Variants in CNR1 observed in about 807,000 individuals in gnomAD.
The protein encoded by CNR1 is cannabinoid receptor 1 (brain).
Under a neutral mutation model 23.0 loss-of-function variants are expected in CNR1, and 10 were observed. The ratio of observed to expected loss-of-function variants is 0.43; its 90% CI spans 0.27 to 0.74. CNR1 has a LOEUF of 0.74. Ranked by LOEUF, CNR1 falls within the 30% of genes least tolerant of loss-of-function variation. The pLI, the probability that CNR1 is intolerant of heterozygous loss-of-function variation, is 0.19. For missense variants in CNR1, 422 were observed against 618.8 expected, an observed-to-expected ratio of 0.68 and a Z score of 3.37; for synonymous variants, 271 against 255.2, an observed-to-expected ratio of 1.06 and a Z score of -0.59.
At chr6:88,166,446 C>G (rs1407709107), upstream of CNR1, 1 of 152,440 alleles carries the variant, frequency 6.6e-6, no homozygotes, top group Admixed American at 6.5e-5. Context: ...CAGACCCCGC[C>G]GAGGGAACTG....
chr6:88,146,168 C>G (rs528353094), intron 1 of CNR1, among the ~76,000 whole-genome samples: 1 of 151,980 alleles, frequency 6.6e-6, no homozygotes, highest in Non-Finnish European at 1.5e-5. Flanking sequence ...TGCAGTGGCA[C>G]GATCTGGGCT....
chr6:88,153,897 C>G (rs117405255), intron 1 of CNR1, among the ~76,000 whole-genome samples: 3,634 of 152,300 alleles, frequency 0.024, 94 homozygotes, highest in Admixed American at 0.087. Flanking sequence ...TTTTCTAACT[C>G]TTACCTAATC....
rs1776735054 is a variant in CNR1, at chr6:88,140,246, T to C, written c.*3610A>G. Reference sequence around the variant, plus strand: ...AGAGTCATGTTTCCCGCTTGAAACATTGGAAATAAATTTGAATCCAGATAC... The same window carrying C: ...AGAGTCATGTTTCCCGCTTGAAACACTGGAAATAAATTTGAATCCAGATAC... On this transcript the variant is annotated 3_prime_UTR_variant, in exon 2 of 2. Transcript: ENST00000369501. 6.5e-6 allele frequency: 1 copy of C among 152,794 alleles called. No individual in the cohort carries two copies. The highest frequency in any genetic ancestry group is 2.4e-5 in the African/African-American group (1 of 41,448). 9.5% of individuals were successfully genotyped at this position (152,794 alleles called of 1,614,324 possible). A position where few individuals can be genotyped will look rare whatever the true frequency, so the allele number is the denominator to read the frequency against.
At chr6:88,157,736 A>T (rs1359461293) in intron 1 of CNR1, among the ~76,000 whole-genome samples, 3 of 152,216 alleles carry the variant, frequency 2.0e-5, no homozygotes, top group Non-Finnish European at 4.4e-5. Context: ...TCTATTTTGT[A>T]AAACATTCAG....
At position 88,140,797 on chromosome 6, in the gene CNR1, C is replaced by T. The variant is rs1293224642; in HGVS notation, c.*3059G>A. On this transcript the variant is annotated 3_prime_UTR_variant, in exon 2 of 2. Coordinates refer to ENST00000369501, the MANE Select transcript of CNR1 (RefSeq NM_016083.6). ...GGCATTTAATACCAGATAGACTTAA[C>T]TCAAAGTGCCAGAGAGGCTTGGAAA... is the stretch of plus-strand genomic sequence containing the variant. 2.6e-5 allele frequency: 4 copies of T among 152,284 alleles called. No individual in the cohort carries two copies. The highest frequency in any genetic ancestry group is 9.7e-5 in the African/African-American group (4 of 41,436). The allele number at this position is 152,284 out of a possible 1,614,324, so 9.4% of individuals were successfully genotyped here.
Position 88,147,435 on chromosome 6 carries a change from C to A in CNR1, c.-63-2098G>T, listed in dbSNP as rs377226327. On this transcript the variant is annotated intron_variant, in intron 1 of 1. Transcript: ENST00000369501. ...ACGTACAGGATGCTCTGGGGACACC[C>A]AGTCTAGAGGGCTGAAGGAGGTTTC... Among the ~76,000 whole-genome samples, 18 of 152,294 alleles carry A rather than the reference C, an allele frequency of 1.2e-4. No individual in the cohort carries two copies. The East Asian group carries it at 3.5e-3, about 29-fold the overall frequency.
intron 1 of CNR1, among the ~76,000 whole-genome samples, chr6:88,147,042 C>T (rs1286325417): frequency 6.6e-6 from 1 of 152,144 alleles, no homozygotes; most frequent in Admixed American, 6.5e-5. Context: ...CCTGTAATCC[C>T]AGCACTTTGG....
In CNR1 at chr6:88,143,932, C is replaced by T. The variant is rs946462817; in HGVS notation, c.1343G>A (p.Ser448Asn). The change falls in exon 2 of 2, where the codon AGC (serine) becomes AAC (asparagine). Residue 448 changes from serine to asparagine, a missense_variant. Coordinates refer to ENST00000369501, the MANE Select transcript of CNR1 (RefSeq NM_016083.6). ...AATCTTGACCGTGCTCTTGATGCAG[C>T]TTTCTGCGGCCCTGTGAACACTGGC... is the stretch of plus-strand genomic sequence containing the variant. ...NAASVHRAAE[S>N]CIKSTVKIAK... The T allele has an allele frequency of 2.5e-6, 4 of 1,614,118 alleles. No individual in the cohort carries two copies. The highest frequency in any genetic ancestry group is 1.7e-6 in the Non-Finnish European group (2 of 1,180,036).
chr6:88,148,125 C>T lies in CNR1; in HGVS notation c.-63-2788G>A, dbSNP rs9444582. Among the ~76,000 whole-genome samples, 478 of 152,306 alleles carry T rather than the reference C, an allele frequency of 3.1e-3. 5 individuals are homozygous for T. Among genetic ancestry groups the T allele is most frequent in the African/African-American group, 0.011 (461 of 41,576 alleles). On this transcript the variant is annotated intron_variant, in intron 1 of 1. Transcript: ENST00000369501. ...ATGAATTTTAGTTCCATAAACACAGCAAATTGACTGCTCCTCACCTCAGTG... is the reference window on the plus strand; with the variant it reads ...ATGAATTTTAGTTCCATAAACACAGTAAATTGACTGCTCCTCACCTCAGTG...
rs1157865569 is a variant in CNR1 at position 88,142,788 on chromosome 6, CACACAGTATAATTTT to C, written c.*1053_*1067del. Reference sequence around the variant, plus strand: ...ATACACACATTTATATTCACACTCACACACAGTATAATTTTACTGATCCAGACACTACTTCTTTTC... The same window carrying C: ...ATACACACATTTATATTCACACTCACACTGATCCAGACACTACTTCTTTTC... On this transcript the variant is annotated 3_prime_UTR_variant, in exon 2 of 2. Coordinates refer to ENST00000369501, the MANE Select transcript of CNR1 (RefSeq NM_016083.6). 6.6e-6 allele frequency: 1 copy of C among 152,536 alleles called. No homozygotes were observed. The highest frequency in any genetic ancestry group is 1.5e-5 in the Non-Finnish European group (1 of 68,028). 9.4% of individuals were successfully genotyped at this position (152,536 alleles called of 1,614,324 possible).
chr6:88,144,193 G>A lies in CNR1; in HGVS notation c.1082C>T (p.Ala361Val), dbSNP rs1338271451. Residue 361 changes from alanine to valine, a missense_variant, in exon 2 of 2, where the codon GCA becomes GTA. This residue lies in a region of CNR1 where 211 missense variants were observed against 357.3 expected (regional missense o/e 0.59). Transcript: ENST00000369501. The surrounding 1 kb of genome is among the most constrained non-coding windows in gnomAD (Gnocchi z 7.8). ...CCCAAAGACATCATACACCATGATT[G>A]CAAGCAGAGGGCCCCAGCAGATGAT... ...VLIICWGPLL[A>V]IMVYDVFGKM... 1.2e-6 allele frequency: 2 copies of A among 1,613,136 alleles called. No homozygotes were observed. The highest frequency in any genetic ancestry group is 2.2e-5 in the South Asian group (2 of 91,060).
At chr6:88,156,905 C>G (rs537876814) in intron 1 of CNR1, among the ~76,000 whole-genome samples, 1 of 152,264 alleles carries the variant, frequency 6.6e-6, no homozygotes, top group South Asian at 2.1e-4. Context: ...AAAAAGTGTC[C>G]AAATGGGAAA....
chr6:88,152,655 G>T (rs1017939760), intron 1 of CNR1, among the ~76,000 whole-genome samples: 1 of 152,204 alleles, frequency 6.6e-6, no homozygotes, highest in Admixed American at 6.5e-5. Flanking sequence ...GTAGTTCAAA[G>T]ATCTCAGTAA....
In CNR1 at chr6:88,146,972, C is replaced by T. The variant is rs141301006; in HGVS notation, c.-63-1635G>A. On this transcript the variant is annotated intron_variant, in intron 1 of 1. Coordinates refer to ENST00000369501, the MANE Select transcript of CNR1 (RefSeq NM_016083.6). ...TATTATGTCTAGCTACGGTACTAGA[C>T]ACTAGTGTTGACAGCATCAAGAAAG... Among the ~76,000 whole-genome samples, 840 of 152,178 alleles carry T rather than the reference C, an allele frequency of 5.5e-3. 5 individuals carry two copies. Among genetic ancestry groups the T allele is most frequent in the Non-Finnish European group, 8.3e-3 (562 of 68,022 alleles).
At chr6:88,159,464 C>A (rs770101203) in intron 1 of CNR1, among the ~76,000 whole-genome samples, 35 of 152,296 alleles carry the variant, frequency 2.3e-4, no homozygotes, top group Admixed American at 2.0e-4. Flanking sequence ...TCCCAAGGCA[C>A]TTAAATATAT....
At chr6:88,152,395 G>A (rs147454168) in intron 1 of CNR1, among the ~76,000 whole-genome samples, 2 of 152,250 alleles carry the variant, frequency 1.3e-5, no homozygotes, top group African/African-American at 4.8e-5. Context: ...CTTCTTCAGT[G>A]AAGACAAAGG....
intron 1 of CNR1, among the ~76,000 whole-genome samples, chr6:88,159,304 G>A (rs1021727946): frequency 5.3e-5 from 8 of 152,204 alleles, no homozygotes; most frequent in East Asian, 1.9e-4. Context: ...AGGAAAGAAC[G>A]AACTAAAATG....
rs1778345888 is a variant in CNR1, at chr6:88,165,896, C to T, written c.-157G>A. 6.6e-6 allele frequency: 1 copy of T among 152,562 alleles called. No homozygotes were observed. The highest frequency in any genetic ancestry group is 2.4e-5 in the African/African-American group (1 of 41,488). The allele number at this position is 152,562 out of a possible 1,614,324, so 9.5% of individuals were successfully genotyped here. ...GTCCGCTAGAACGAAATATCCCCCA[C>T]TGACTACGGAGAGCTCTGCAGGGAG... On this transcript the variant is annotated 5_prime_UTR_variant, in exon 1 of 2. The change creates a new upstream start codon in the 5' untranslated region. Transcript: ENST00000369501.
intron 1 of CNR1, among the ~76,000 whole-genome samples, chr6:88,157,234 T>C (rs1777851199): frequency 6.6e-6 from 1 of 152,206 alleles, no homozygotes; most frequent in Non-Finnish European, 1.5e-5. Flanking sequence ...TGTGCATTGA[T>C]GTTTCCCAAA....
Sources: allele counts gnomAD v4.1 joint callset (sites outside exome capture counted in the v4.1 genomes callset), GRCh38; gene constraint gnomAD v4.1.1; regional missense constraint gnomAD v4.1.1; non-coding constraint Gnocchi (gnomAD v3.1); transcripts MANE v1.5; gene names NCBI Gene and HGNC (gene_info 2026-07-23, HGNC 2026-07-21).